PATJ: variants seen among roughly 807,000 people sequenced by gnomAD.
PATJ encodes PATJ crumbs cell polarity complex component.
PATJ carries 190 observed loss-of-function variants against 224.9 expected under a neutral mutation model. The observed-to-expected ratio is 0.84, with a 90% confidence interval of 0.75 to 0.95. PATJ has a LOEUF of 0.95. Ranked by LOEUF, PATJ falls within the 40% of genes least tolerant of loss-of-function variation. PATJ has a pLI of 0.00. For synonymous variants in PATJ, 769 were observed against 820.3 expected (o/e 0.94, Z 1.07); for missense variants, 2,121 against 2,270.3 (o/e 0.93, Z 1.34).
intron 22 of PATJ, among the ~76,000 whole-genome samples, chr1:61,898,435 AC>A (rs1028147030): frequency 1.3e-5 from 2 of 150,572 alleles, no homozygotes; most frequent in Non-Finnish European, 3.0e-5. Context: ...ATGGGGTCTC[AC>A]CATGTTGTCC....
intron 20 of PATJ, among the ~76,000 whole-genome samples, chr1:61,874,519 C>T (rs1667095716): frequency 6.6e-6 from 1 of 152,136 alleles, no homozygotes; most frequent in Admixed American, 6.5e-5. Context: ...TTTATAAAGG[C>T]ACTACTAATC....
chr1:61,994,372 G>T (rs1366316139), intron 28 of PATJ, among the ~76,000 whole-genome samples: 1 of 152,160 alleles, frequency 6.6e-6, no homozygotes, highest in Non-Finnish European at 1.5e-5. Flanking sequence ...ATACATTTCA[G>T]ATGATTTTGA....
intron 30 of PATJ, among the ~76,000 whole-genome samples, chr1:62,045,389 A>G (rs1652353826): frequency 6.6e-6 from 1 of 152,140 alleles, no homozygotes; most frequent in African/African-American, 2.4e-5. Flanking sequence ...AAAAAAAAGG[A>G]GTTTAAAATA....
chr1:61,853,676 C>T (rs1371535716), intron 17 of PATJ, among the ~76,000 whole-genome samples: 1 of 152,140 alleles, frequency 6.6e-6, no homozygotes, highest in Non-Finnish European at 1.5e-5. Context: ...TTCATGGTTG[C>T]CAGTGACAAA....
At chr1:61,905,081 T>C (rs1671680500) in intron 24 of PATJ, among the ~76,000 whole-genome samples, 1 of 63,766 alleles carries the variant, frequency 1.6e-5, no homozygotes, top group African/African-American at 4.9e-5. Flanking sequence ...CTTTCTTCCT[T>C]TTTGTTGAGT....
chr1:61,773,083 T>G (rs935964522), intron 6 of PATJ, among the ~76,000 whole-genome samples: 2 of 152,132 alleles, frequency 1.3e-5, no homozygotes, highest in African/African-American at 2.4e-5. Flanking sequence ...CTGCAGGGCG[T>G]GATCTCGGCT....
chr1:61,987,309 C>CA (rs983528489), intron 27 of PATJ, among the ~76,000 whole-genome samples: 1 of 151,912 alleles, frequency 6.6e-6, no homozygotes, highest in Non-Finnish European at 1.5e-5. Flanking sequence ...GTGTGAGTTG[C>CA]AAAAAATGTG....
intron 31 of PATJ, among the ~76,000 whole-genome samples, chr1:62,074,183 A>G (rs1657900469): frequency 7.0e-6 from 1 of 143,124 alleles, no homozygotes; most frequent in Non-Finnish European, 1.5e-5. Flanking sequence ...GTAAAATTAT[A>G]TGCTGAAAAC....
At chr1:61,988,753 T>C (rs1644902017) in intron 27 of PATJ, among the ~76,000 whole-genome samples, 1 of 152,248 alleles carries the variant, frequency 6.6e-6, no homozygotes. Context: ...AGTTTAAATT[T>C]ACCTACTCAC....
intron 35 of PATJ, among the ~76,000 whole-genome samples, chr1:62,115,297 C>T (rs569755016): frequency 1.2e-4 from 18 of 151,690 alleles, no homozygotes; most frequent in African/African-American, 3.9e-4. Context: ...GCAACAAGAG[C>T]GAAACTCCAT....
intron 29 of PATJ, among the ~76,000 whole-genome samples, chr1:62,027,180 T>C (rs774506686): frequency 5.9e-5 from 9 of 152,236 alleles, no homozygotes; most frequent in Non-Finnish European, 1.0e-4. Context: ...TGTCTCTGAA[T>C]TTGACTGCCG....
chr1:61,847,406 G>A (rs767435158), intron 17 of PATJ, among the ~76,000 whole-genome samples: 9 of 152,084 alleles, frequency 5.9e-5, no homozygotes, highest in Admixed American at 3.3e-4. Context: ...GCAGCTCTGG[G>A]ACTGTTTAGT....
intron 31 of PATJ, among the ~76,000 whole-genome samples, chr1:62,056,379 G>A (rs1654538630): frequency 6.6e-6 from 1 of 152,092 alleles, no homozygotes; most frequent in South Asian, 2.1e-4. Context: ...AAATTGCCTT[G>A]GAGCCAAGCA....
At chr1:61,819,963 G>A (rs189123094) in intron 14 of PATJ, among the ~76,000 whole-genome samples, 14 of 152,276 alleles carry the variant, frequency 9.2e-5, no homozygotes, top group Admixed American at 7.2e-4. Context: ...TAGTAAAAGA[G>A]TGAAAAATAA....
intron 27 of PATJ, among the ~76,000 whole-genome samples, chr1:61,960,183 C>T (rs139504137): frequency 6.6e-6 from 1 of 152,238 alleles, no homozygotes; most frequent in African/African-American, 2.4e-5. Flanking sequence ...AGCCCCAGAT[C>T]ATCTCTTTAT....
intron 28 of PATJ, among the ~76,000 whole-genome samples, chr1:62,002,305 G>A (rs1371528936): frequency 6.6e-6 from 1 of 152,188 alleles, no homozygotes; most frequent in Non-Finnish European, 1.5e-5. Context: ...GGTGGGTAGT[G>A]TGGTAGTACT....
At chr1:61,900,987 A>G (rs1161792684) in intron 23 of PATJ, among the ~76,000 whole-genome samples, 1 of 152,214 alleles carries the variant, frequency 6.6e-6, no homozygotes, top group African/African-American at 2.4e-5. Context: ...TAATGACAGA[A>G]AATATATTAT....
At chr1:62,144,027 A>G (rs906046938) in intron 41 of PATJ, among the ~76,000 whole-genome samples, 4 of 152,200 alleles carry the variant, frequency 2.6e-5, no homozygotes, top group Admixed American at 2.6e-4. Context: ...GTTCATGGAC[A>G]AGTTAACCTT....
chr1:61,827,825 C>G (rs1658543996), intron 16 of PATJ, among the ~76,000 whole-genome samples: 1 of 152,124 alleles, frequency 6.6e-6, no homozygotes, highest in Non-Finnish European at 1.5e-5. Context: ...TTTAGAGAAT[C>G]TTTGTTTTTA....
Sources: gnomAD v4.1 joint callset for allele counts (sites outside exome capture counted in the v4.1 genomes callset) on GRCh38, gnomAD v4.1.1 for gene constraint, MANE v1.5 for transcripts, NCBI Gene and HGNC (gene_info 2026-07-23, HGNC 2026-07-21) for gene names.